Variants in ADORA2B observed in about 807,000 individuals in gnomAD.
The protein encoded by ADORA2B is adenosine A2b receptor, also known as adenosine receptor A2b.
A neutral mutation model predicts 20.8 loss-of-function variants in ADORA2B; 18 were observed. The observed-to-expected ratio is 0.87, with a 90% confidence interval of 0.60 to 1.29. ADORA2B has a LOEUF of 1.29. Among genes scored for constraint, ADORA2B ranks in the 50% most tolerant of loss-of-function variants. The probability of loss-of-function intolerance (pLI) is 0.00; values close to 1 mark genes in which losing one functional copy is unlikely to be tolerated. For missense variants in ADORA2B, 441 were observed against 422.7 expected, an observed-to-expected ratio of 1.04 and a Z score of -0.38; for synonymous variants, 179 against 178.3, an observed-to-expected ratio of 1.00 and a Z score of -0.03.
the ADORA2B span, among the ~76,000 whole-genome samples, chr17:15,870,977 A>G: frequency 2.6e-5 from 4 of 152,170 alleles, no homozygotes; most frequent in Admixed American, 6.5e-5. Flanking sequence ...TGGCTTCTGA[A>G]GTGGCACAGG....
the ADORA2B span, among the ~76,000 whole-genome samples, chr17:15,880,180 T>G: frequency 2.1e-5 from 3 of 141,184 alleles, no homozygotes; most frequent in Non-Finnish European, 3.1e-5. Flanking sequence ...CCGCTTGATC[T>G]GCTGAATTCT....
chr17:15,927,144 C>T, the ADORA2B span, among the ~76,000 whole-genome samples: 4 of 150,444 alleles, frequency 2.7e-5, no homozygotes, highest in African/African-American at 9.8e-5. Flanking sequence ...GTCAGGAGTT[C>T]GAAACCAGCC....
intron 1 of ADORA2B, among the ~76,000 whole-genome samples, chr17:15,955,989 G>T (rs1301929985): frequency 6.6e-6 from 1 of 152,152 alleles, no homozygotes; most frequent in Non-Finnish European, 1.5e-5. Context: ...ATAAATGCTG[G>T]GATTACAGGC....
rs1042880129 is a variant in ADORA2B at position 15,964,628 on chromosome 17, A to G, written c.336-10051A>G. On this transcript the variant is annotated intron_variant, in intron 1 of 1. Transcript: ENST00000304222. ...AAGACTCTGTCTCAAAAAAAAAAAA[A>G]AAAAGAAAAGATGAATTCTACTTTT... 4.6e-5 allele frequency among the ~76,000 whole-genome samples: 7 copies of G among 151,528 alleles called. No individual in the cohort carries two copies. The East Asian group carries it at 7.7e-4, about 17-fold the overall frequency.
intron 1 of ADORA2B, among the ~76,000 whole-genome samples, chr17:15,970,724 C>T (rs937376539): frequency 1.3e-5 from 2 of 152,116 alleles, no homozygotes; most frequent in African/African-American, 4.8e-5. Context: ...TCTTTTGAAA[C>T]CAGAATATGG....
At chr17:15,912,143 A>T in the ADORA2B span, among the ~76,000 whole-genome samples, 9 of 145,362 alleles carry the variant, frequency 6.2e-5, no homozygotes. Flanking sequence ...TGAACCTGGG[A>T]GGTGGAGGTT....
At chr17:15,852,298 TC>T in the ADORA2B span, among the ~76,000 whole-genome samples, 3 of 152,214 alleles carry the variant, frequency 2.0e-5, no homozygotes, top group African/African-American at 7.2e-5. Context: ...AAAATATTCT[TC>T]CTTAACATCT....
chr17:15,875,160 G>A, the ADORA2B span, among the ~76,000 whole-genome samples: 2 of 152,076 alleles, frequency 1.3e-5, no homozygotes, highest in East Asian at 3.9e-4. Flanking sequence ...TTCTAAGAAA[G>A]CTCTGTGTTC....
chr17:15,945,166 G>T lies in ADORA2B; in HGVS notation c.-83G>T. The T allele has an allele frequency of 8.1e-7, 1 of 1,228,416 alleles. No individual in the cohort carries two copies. Among genetic ancestry groups the T allele is most frequent in the East Asian group, 3.1e-5 (1 of 31,806 alleles). The allele number at this position is 1,228,416 out of a possible 1,614,324, so 76.1% of individuals were successfully genotyped here. A position where few individuals can be genotyped will look rare whatever the true frequency, so the allele number is the denominator to read the frequency against. ...GCGGAGGCGCGGTCCGGGCGCTATG[G>T]CCATGCCCGGCGGGTCTCACGCGGC... is the stretch of plus-strand genomic sequence containing the variant. On this transcript the variant is annotated 5_prime_UTR_variant, in exon 1 of 2. Transcript: ENST00000304222.
intron 1 of ADORA2B, among the ~76,000 whole-genome samples, chr17:15,946,774 A>T (rs1969812270): frequency 6.6e-6 from 1 of 151,992 alleles, no homozygotes; most frequent in Admixed American, 6.5e-5. Flanking sequence ...CCGGGGCTTG[A>T]ACTCACAGCT....
At chr17:15,933,114 C>T in the ADORA2B span, among the ~76,000 whole-genome samples, 1 of 152,174 alleles carries the variant, frequency 6.6e-6, no homozygotes, top group South Asian at 2.1e-4. Context: ...CGCTACCACG[C>T]CCGACTAATT....
the ADORA2B span, among the ~76,000 whole-genome samples, chr17:15,854,822 A>G: frequency 6.6e-6 from 1 of 152,234 alleles, no homozygotes; most frequent in African/African-American, 2.4e-5. Flanking sequence ...GCCAGTATTA[A>G]CAGAGAATCG....
At chr17:15,921,997 G>A in the ADORA2B span, among the ~76,000 whole-genome samples, 1,486 of 152,334 alleles carry the variant, frequency 9.8e-3, 43 homozygotes, top group Admixed American at 0.042. Flanking sequence ...CTGGGGTTCT[G>A]TTACAAAAAG....
At chr17:15,938,817 A>G in the ADORA2B span, among the ~76,000 whole-genome samples, 1 of 152,210 alleles carries the variant, frequency 6.6e-6, no homozygotes, top group Non-Finnish European at 1.5e-5. Context: ...AATCTGCTTC[A>G]CAGTATTTCG....
intron 1 of ADORA2B, among the ~76,000 whole-genome samples, chr17:15,949,607 C>T (rs918388405): frequency 6.6e-6 from 1 of 151,576 alleles, no homozygotes; most frequent in Non-Finnish European, 1.5e-5. Context: ...TACGGTGGCT[C>T]ACACCCGTAA....
the ADORA2B span, among the ~76,000 whole-genome samples, chr17:15,912,626 C>A: frequency 6.6e-6 from 1 of 152,214 alleles, no homozygotes; most frequent in East Asian, 1.9e-4. Context: ...GGAGATACCA[C>A]GTCTCGTTTG....
At chr17:15,951,864 G>A (rs143171189) in intron 1 of ADORA2B, among the ~76,000 whole-genome samples, 125 of 152,266 alleles carry the variant, frequency 8.2e-4, no homozygotes, top group African/African-American at 2.9e-3. Flanking sequence ...AGGAGGGCCC[G>A]CTCAAGCCAC....
In ADORA2B at chr17:15,967,259, C is replaced by T. The variant is rs376366153; in HGVS notation, c.336-7420C>T. On this transcript the variant is annotated intron_variant, in intron 1 of 1. Coordinates refer to ENST00000304222, the MANE Select transcript of ADORA2B (RefSeq NM_000676.4). ...TTTTTTTTTTTTCGAGATGGAGTCT[C>T]GCTCTGTCACCCAGGCTGGAGTGCA... 3.4e-5 allele frequency among the ~76,000 whole-genome samples: 5 copies of T among 145,708 alleles called. No individual in the cohort carries two copies. In the East Asian group the frequency reaches 5.9e-4, roughly 17 times the overall value.
the ADORA2B span, among the ~76,000 whole-genome samples, chr17:15,869,065 A>G: frequency 0.081 from 12,297 of 151,004 alleles, 1,406 homozygotes; most frequent in African/African-American, 0.25. Flanking sequence ...CATGCCTGCA[A>G]TCCCAGCACT....
Sources: allele counts gnomAD v4.1 joint callset (sites outside exome capture counted in the v4.1 genomes callset), GRCh38; gene constraint gnomAD v4.1.1; transcripts MANE v1.5; gene names NCBI Gene and HGNC (gene_info 2026-07-23, HGNC 2026-07-21).